The following SPMAP2L variants were observed in gnomAD, a reference collection of about 807,000 sequenced individuals.
SPMAP2L encodes the protein sperm microtubule associated protein 2 like.
At chr4:56,561,501 G>C in the SPMAP2L span, among the ~76,000 whole-genome samples, 2 of 152,088 alleles carry the variant, frequency 1.3e-5, no homozygotes. Flanking sequence ...GAAAGTCAAA[G>C]GGAAAGCAGG....
chr4:56,574,576 G>A, the SPMAP2L span, among the ~76,000 whole-genome samples: 16 of 152,166 alleles, frequency 1.1e-4, no homozygotes, highest in Non-Finnish European at 1.5e-4. Context: ...ATAATTCACC[G>A]TATAAAATAG....
At chr4:56,575,517 C>A in the SPMAP2L span, 1 of 1,535,350 alleles carries the variant, frequency 6.5e-7, no homozygotes, top group Non-Finnish European at 8.7e-7. Flanking sequence ...CTCAATACTA[C>A]CACAGCTGTG....
At chr4:56,541,383 A>T in the SPMAP2L span, among the ~76,000 whole-genome samples, 1 of 152,172 alleles carries the variant, frequency 6.6e-6, no homozygotes, top group Non-Finnish European at 1.5e-5. Context: ...GATTTCATGG[A>T]AAACAGTTTT....
At chr4:56,599,890 C>A in the SPMAP2L span, among the ~76,000 whole-genome samples, 8 of 151,992 alleles carry the variant, frequency 5.3e-5, no homozygotes, top group Non-Finnish European at 5.9e-5. Context: ...ATGTGGCCAA[C>A]AAACATATGA....
the SPMAP2L span, among the ~76,000 whole-genome samples, chr4:56,562,786 C>CTTTTTTTTTT: frequency 6.9e-6 from 1 of 145,120 alleles, no homozygotes; most frequent in Non-Finnish European, 1.5e-5. Flanking sequence ...TTTTCTTCGT[C>CTTTTTTTTTT]TTTTTTTTTA....
At chr4:56,613,996 T>C in the SPMAP2L span, among the ~76,000 whole-genome samples, 7 of 152,144 alleles carry the variant, frequency 4.6e-5, no homozygotes, top group Non-Finnish European at 1.0e-4. Flanking sequence ...AAAGCTGAGT[T>C]TATAGCTTAC....
the SPMAP2L span, among the ~76,000 whole-genome samples, chr4:56,549,420 G>A: frequency 6.6e-6 from 1 of 152,242 alleles, no homozygotes; most frequent in East Asian, 1.9e-4. Flanking sequence ...TGAAGCTCCA[G>A]TTCAACGTAT....
At chr4:56,598,036 T>A in the SPMAP2L span, among the ~76,000 whole-genome samples, 29 of 152,252 alleles carry the variant, frequency 1.9e-4, no homozygotes, top group Non-Finnish European at 4.1e-4. Flanking sequence ...GTTTTAAAAA[T>A]TTTTTTGTAG....
the SPMAP2L span, among the ~76,000 whole-genome samples, chr4:56,599,225 C>T: frequency 6.6e-6 from 1 of 151,974 alleles, no homozygotes; most frequent in African/African-American, 2.4e-5. Context: ...CTCTCTCACC[C>T]AGGCTGGAGA....
chr4:56,535,982 C>T, the SPMAP2L span, among the ~76,000 whole-genome samples: 1 of 152,234 alleles, frequency 6.6e-6, no homozygotes, highest in East Asian at 1.9e-4. Context: ...AAGGACCCAG[C>T]AAGCTAGATC....
chr4:56,614,153 A>AT, the SPMAP2L span, among the ~76,000 whole-genome samples: 680 of 152,266 alleles, frequency 4.5e-3, 2 homozygotes, highest in South Asian at 0.019. Flanking sequence ...TGGGCAAGGG[A>AT]TTGATAGACT....
chr4:56,626,121 A>G, the SPMAP2L span, among the ~76,000 whole-genome samples: 1 of 152,268 alleles, frequency 6.6e-6, no homozygotes, highest in South Asian at 2.1e-4. Flanking sequence ...CATAGGACAG[A>G]TAAGTTTCAA....
the SPMAP2L span, chr4:56,594,321 T>C: frequency 6.5e-7 from 1 of 1,527,302 alleles, no homozygotes; most frequent in Non-Finnish European, 9.1e-7. Context: ...ATGATTCCAC[T>C]GGGATCCTGC....
chr4:56,596,428 A>C, the SPMAP2L span: 1 of 1,399,212 alleles, frequency 7.1e-7, no homozygotes, highest in Non-Finnish European at 9.3e-7. Flanking sequence ...GTCAAATCAT[A>C]CTTTGTAATC....
the SPMAP2L span, chr4:56,593,083 A>G: frequency 6.3e-7 from 1 of 1,580,748 alleles, no homozygotes; most frequent in South Asian, 1.1e-5. Context: ...GTAACTGCTC[A>G]GTGCCACAGA....
chr4:56,578,348 A>ATG, the SPMAP2L span, among the ~76,000 whole-genome samples: 1 of 152,190 alleles, frequency 6.6e-6, no homozygotes, highest in Non-Finnish European at 1.5e-5. Flanking sequence ...AATTTTTAAA[A>ATG]TGTAATAAAA....
At chr4:56,535,579 G>A in the SPMAP2L span, among the ~76,000 whole-genome samples, 1 of 152,056 alleles carries the variant, frequency 6.6e-6, no homozygotes, top group Non-Finnish European at 1.5e-5. Context: ...GCTCACTCGG[G>A]GAGCTCAGTT....
At chr4:56,579,013 T>G in the SPMAP2L span, among the ~76,000 whole-genome samples, 1 of 151,872 alleles carries the variant, frequency 6.6e-6, no homozygotes, top group Admixed American at 6.6e-5. Flanking sequence ...ACAATAATAG[T>G]TGGACACTTC....
chr4:56,569,000 T>C, the SPMAP2L span, among the ~76,000 whole-genome samples: 1 of 152,256 alleles, frequency 6.6e-6, no homozygotes. Context: ...AAATTTGTTT[T>C]TATGGCTAAG....
Sources: allele counts gnomAD v4.1 joint callset (sites outside exome capture counted in the v4.1 genomes callset), GRCh38; gene constraint gnomAD v4.1.1; transcripts MANE v1.5; gene names NCBI Gene and HGNC (gene_info 2026-07-23, HGNC 2026-07-21).